The following LMO7 variants were observed in gnomAD, a reference collection of about 807,000 sequenced individuals.
LMO7 encodes LIM domain 7.
LMO7 carries 120 observed loss-of-function variants against 206.5 expected under a neutral mutation model. The ratio of observed to expected loss-of-function variants is 0.58; its 90% CI spans 0.50 to 0.68. The LOEUF (loss-of-function observed/expected upper bound fraction) is 0.68. Among genes scored for constraint, LMO7 ranks in the 30% least tolerant of loss-of-function variants. The pLI is 0.00. For missense variants in LMO7, 1,959 were observed against 1,957.9 expected, an observed-to-expected ratio of 1.00 and a Z score of -0.01; for synonymous variants, 706 against 681.5, an observed-to-expected ratio of 1.04 and a Z score of -0.56.
Position 75,838,114 on chromosome 13 carries a change from A to T in LMO7, c.3395-26A>T, listed in dbSNP as rs746171004. On this transcript the variant is annotated intron_variant, in intron 19 of 30. Coordinates refer to ENST00000377534, the MANE Select transcript of LMO7 (RefSeq NM_001306080.2). ...ATGGTGAGAAATAAAAATGAATGACATAGTGTTTATTTTTTTTTCAACTAG... is the reference window on the plus strand; with the variant it reads ...ATGGTGAGAAATAAAAATGAATGACTTAGTGTTTATTTTTTTTTCAACTAG... The T allele has an allele frequency of 5.9e-6, 8 of 1,351,438 alleles. No homozygotes were observed. The African/African-American group carries it at 1.2e-4, about 19-fold the overall frequency. The allele number at this position is 1,351,438 out of a possible 1,614,324, so 83.7% of individuals were successfully genotyped here.
At chr13:75,774,018 A>G (rs921192433) in intron 4 of LMO7, among the ~76,000 whole-genome samples, 2 of 151,956 alleles carry the variant, frequency 1.3e-5, no homozygotes, top group Non-Finnish European at 2.9e-5. Context: ...TACTTTTTCT[A>G]TGCTGTTTTC....
upstream of LMO7, chr13:75,636,211 G>T (rs1365712530): frequency 2.4e-6 from 2 of 817,856 alleles, no homozygotes; most frequent in Non-Finnish European, 3.0e-6. Context: ...GGGAGCCCGG[G>T]GAGCCAAGGG....
At chr13:75,637,642 CAT>C (rs1247525794) in intron 1 of LMO7, among the ~76,000 whole-genome samples, 1 of 152,300 alleles carries the variant, frequency 6.6e-6, no homozygotes, top group East Asian at 1.9e-4. Context: ...GTTTAGTTAA[CAT>C]ATTTAAAACT....
chr13:75,660,743 C>A (rs899966108), intron 1 of LMO7, among the ~76,000 whole-genome samples: 5 of 152,116 alleles, frequency 3.3e-5, no homozygotes, highest in Non-Finnish European at 5.9e-5. Context: ...AGTAGAAGGA[C>A]CTTGGTTCCT....
intron 3 of LMO7, 112 bp downstream of exon 3, chr13:75,727,210 T>A: frequency 3.2e-6 from 2 of 616,812 alleles, no homozygotes. Flanking sequence ...GTTATGGTTT[T>A]TTTGCTGAAG....
Position 75,804,933 on chromosome 13 carries a change from G to C in LMO7, c.914+392G>C, listed in dbSNP as rs566081230. 24 of 1,003,926 alleles carry C rather than the reference G, an allele frequency of 2.4e-5. No individual in the cohort carries two copies. In the African/African-American group the frequency reaches 3.8e-4, roughly 16 times the overall value. 62.2% of individuals were successfully genotyped at this position (1,003,926 alleles called of 1,614,324 possible). ...AACAGAGTGTGGTTTTGCAAATCCA[G>C]CTTCCTCTCATGGGGAGGCGTACGG... is the stretch of plus-strand genomic sequence containing the variant. On this transcript the variant is annotated intron_variant, in intron 8 of 30. Coordinates refer to ENST00000377534, the MANE Select transcript of LMO7 (RefSeq NM_001306080.2).
At chr13:75,717,103 C>T (rs1284370940) in intron 2 of LMO7, among the ~76,000 whole-genome samples, 4 of 151,946 alleles carry the variant, frequency 2.6e-5, no homozygotes, top group African/African-American at 7.3e-5. Flanking sequence ...GTGGCTCACG[C>T]CTGTAATCCC....
At chr13:75,623,020 GA>G (rs1454718288) in intron 1 of LMO7, among the ~76,000 whole-genome samples, 1 of 152,070 alleles carries the variant, frequency 6.6e-6, no homozygotes, top group Non-Finnish European at 1.5e-5. Context: ...CAAACCACTA[GA>G]AAAGCAAAAA....
chr13:75,756,119 C>G (rs2047665863), intron 3 of LMO7, among the ~76,000 whole-genome samples: 1 of 152,118 alleles, frequency 6.6e-6, no homozygotes, highest in Admixed American at 6.6e-5. Flanking sequence ...TTCTTAGATT[C>G]AAGACGGTAC....
intron 28 of LMO7, among the ~76,000 whole-genome samples, chr13:75,854,370 G>A (rs2060748298): frequency 6.6e-6 from 1 of 151,832 alleles, no homozygotes; most frequent in South Asian, 2.1e-4. Flanking sequence ...GAGAACAGAG[G>A]TGAAGATTTA....
intron 26 of LMO7, among the ~76,000 whole-genome samples, chr13:75,846,923 C>T (rs1410688586): frequency 2.0e-5 from 3 of 151,054 alleles, no homozygotes; most frequent in Non-Finnish European, 2.9e-5. Flanking sequence ...CCCAGCTACT[C>T]AGGAGGATGA....
At chr13:75,641,635 C>A (rs1186317787) in intron 1 of LMO7, among the ~76,000 whole-genome samples, 1 of 152,004 alleles carries the variant, frequency 6.6e-6, no homozygotes, top group African/African-American at 2.4e-5. Flanking sequence ...CTATTTGTTT[C>A]TTTTTTCCTC....
chr13:75,733,885 C>G (rs2045538487), intron 3 of LMO7, among the ~76,000 whole-genome samples: 1 of 152,214 alleles, frequency 6.6e-6, no homozygotes. Flanking sequence ...TTCAGGGTCA[C>G]CTTCTGAAGC....
intron 1 of LMO7, among the ~76,000 whole-genome samples, chr13:75,649,802 C>T (rs1304894090): frequency 6.6e-6 from 1 of 152,184 alleles, no homozygotes; most frequent in East Asian, 1.9e-4. Flanking sequence ...ATCTGAAAGA[C>T]TCATTATCAT....
At chr13:75,681,575 A>G (rs1449465652) in intron 1 of LMO7, among the ~76,000 whole-genome samples, 1 of 151,340 alleles carries the variant, frequency 6.6e-6, no homozygotes, top group African/African-American at 2.4e-5. Flanking sequence ...TTCTTTGTGC[A>G]CCCTTTTGTA....
chr13:75,807,952 T>C lies in LMO7; in HGVS notation c.1669T>C (p.Phe557Leu). Reference sequence around the variant, plus strand: ...TCTTCCTCCAGAAATTCAAGCAAAATTTCTCTGTGTACTTGAAAGGACATG... The same window carrying C: ...TCTTCCTCCAGAAATTCAAGCAAAACTTCTCTGTGTACTTGAAAGGACATG... ...WTLPPEIQAKFLCVLERTCPS... is the reference protein window; with the variant it reads ...WTLPPEIQAKLLCVLERTCPS... Residue 557 changes from phenylalanine to leucine, a missense_variant, in exon 10 of 31, where the codon TTT becomes CTT. By Grantham distance (22) the Phe-to-Leu change is conservative (BLOSUM62 0). Coordinates refer to ENST00000377534, the MANE Select transcript of LMO7 (RefSeq NM_001306080.2). 6.2e-7 allele frequency: 1 copy of C among 1,613,868 alleles called. No homozygotes were observed.
At chr13:75,621,830 G>A in exon 1 of LMO7, 1 of 1,609,272 alleles carries the variant, frequency 6.2e-7, no homozygotes, top group Non-Finnish European at 8.5e-7. Context: ...ATCTGTGTGG[G>A]TTGGCTGTAT....
chr13:75,652,566 G>A (rs1223010408), intron 1 of LMO7, among the ~76,000 whole-genome samples: 1 of 151,466 alleles, frequency 6.6e-6, no homozygotes, highest in Non-Finnish European at 1.5e-5. Flanking sequence ...TTGGGAGGCA[G>A]TAAAGACAGA....
At chr13:75,783,939 G>A (rs1448570895) in intron 4 of LMO7, among the ~76,000 whole-genome samples, 1 of 152,098 alleles carries the variant, frequency 6.6e-6, no homozygotes, top group African/African-American at 2.4e-5. Context: ...AGACCCCTGG[G>A]AACCTCAAGT....
Sources: gnomAD v4.1 joint callset for allele counts (sites outside exome capture counted in the v4.1 genomes callset) on GRCh38, gnomAD v4.1.1 for gene constraint, MANE v1.5 for transcripts, NCBI Gene and HGNC (gene_info 2026-07-23, HGNC 2026-07-21) for gene names.